Variants in ADAMTS5 observed in about 807,000 individuals in gnomAD.
ADAMTS5 encodes A disintegrin and metalloproteinase with thrombospondin motifs 5.
Under a neutral mutation model 81.4 loss-of-function variants are expected in ADAMTS5, and 54 were observed. The observed-to-expected ratio is 0.66, with a 90% CI of 0.53 to 0.83. The LOEUF is 0.83. Among genes scored for constraint, ADAMTS5 ranks in the 40% least tolerant of loss-of-function variants. ADAMTS5 has a pLI of 0.00. For missense variants in ADAMTS5, 1,194 were observed against 1,229.9 expected (o/e 0.97, Z 0.44); for synonymous variants, 532 against 508.8 (o/e 1.05, Z -0.61).
Position 26,924,204 on chromosome 21 carries a change from G to A in ADAMTS5, c.2642C>T (p.Thr881Met), listed in dbSNP as rs765000435. The change falls in exon 8 of 8, where the codon ACG becomes ATG. Residue 881 changes from threonine to methionine, a missense_variant. Physicochemically the swap from Thr to Met is moderately conservative, Grantham distance 81 (BLOSUM62 -1). Coordinates refer to ENST00000284987, the MANE Select transcript of ADAMTS5 (RefSeq NM_007038.5). ...CCTAGAGCAGGCGAGCCATGGGCCC[G>A]TGACCCACTGCGGCTGCGAAGTGTG... ...GSHTSQPQWV[T>M]GPWLACSRTC... 16 of 1,614,070 alleles carry A rather than the reference G, an allele frequency of 9.9e-6. No homozygotes were observed. The highest frequency in any genetic ancestry group is 2.2e-5 in the South Asian group (2 of 91,088).
At position 26,956,269 on chromosome 21, in the gene ADAMTS5, C is replaced by G. The variant is rs191905612; in HGVS notation, c.1105-1398G>C. On this transcript the variant is annotated intron_variant, in intron 1 of 7. Transcript: ENST00000284987. ...TGTATTCTCTTCTCTTAACTTCATT[C>G]TCAGGTCCTTATTGTGTTCTGTTTA... 3.3e-5 allele frequency among the ~76,000 whole-genome samples: 5 copies of G among 152,280 alleles called. No individual in the cohort carries two copies. The East Asian group carries it at 9.6e-4, about 29-fold the overall frequency.
Position 26,966,882 on chromosome 21 carries a change from T to G in ADAMTS5, c.-491A>C, listed in dbSNP as rs1475987716. 6.6e-6 allele frequency among the ~76,000 whole-genome samples: 1 copy of G among 152,022 alleles called. No individual in the cohort carries two copies. The highest frequency in any genetic ancestry group is 1.5e-5 in the Non-Finnish European group (1 of 67,986). On this transcript the variant is annotated 5_prime_UTR_variant, in exon 1 of 8. Coordinates refer to ENST00000284987, the MANE Select transcript of ADAMTS5 (RefSeq NM_007038.5). ...TCCGGGGCCCACTTCCTTTCTTATT[T>G]TGTGGGTTTCCTTGGCTCTGCTGGG... is the stretch of plus-strand genomic sequence containing the variant.
intron 7 of ADAMTS5, among the ~76,000 whole-genome samples, chr21:26,928,711 C>T (rs1986850923): frequency 2.8e-5 from 4 of 140,750 alleles, no homozygotes; most frequent in South Asian, 2.3e-4. Flanking sequence ...CTCTTTCTTT[C>T]TTTCTCTCTT....
intron 2 of ADAMTS5, among the ~76,000 whole-genome samples, chr21:26,950,511 T>C (rs1388489987): frequency 1.3e-5 from 2 of 152,220 alleles, no homozygotes; most frequent in African/African-American, 4.8e-5. Context: ...AGTGACTTTC[T>C]GAAATGTCTT....
intron 1 of ADAMTS5, among the ~76,000 whole-genome samples, chr21:26,960,450 A>C (rs1417281784): frequency 6.6e-6 from 1 of 152,186 alleles, no homozygotes; most frequent in Non-Finnish European, 1.5e-5. Context: ...GAGGTAAATG[A>C]GGTTAAATGA....
intron 7 of ADAMTS5, among the ~76,000 whole-genome samples, chr21:26,928,854 A>G (rs1986854746): frequency 6.6e-6 from 1 of 151,336 alleles, no homozygotes; most frequent in Non-Finnish European, 1.5e-5. Flanking sequence ...TCAGAGTCCA[A>G]CTCATTTTTA....
intron 6 of ADAMTS5, among the ~76,000 whole-genome samples, chr21:26,930,544 G>T (rs1986887962): frequency 6.6e-6 from 1 of 152,202 alleles, no homozygotes; most frequent in Admixed American, 6.5e-5. Flanking sequence ...TCCCTATTGT[G>T]TGTTGAACTG....
intron 1 of ADAMTS5, among the ~76,000 whole-genome samples, chr21:26,960,711 C>A (rs1987513908): frequency 1.3e-5 from 2 of 152,288 alleles, no homozygotes; most frequent in South Asian, 2.1e-4. Context: ...ACCCATTGTA[C>A]AATATTCTGT....
At position 26,920,263 on chromosome 21, in the gene ADAMTS5, G is replaced by A. The variant is rs1279168738; in HGVS notation, c.*3790C>T. On this transcript the variant is annotated 3_prime_UTR_variant, in exon 8 of 8. Coordinates refer to ENST00000284987, the MANE Select transcript of ADAMTS5 (RefSeq NM_007038.5). ...CCAGAGATTGGCTGTGTGTCCAAGG[G>A]TGCTTTGTCTTGTTGCCAGGATCAG... 2.0e-5 allele frequency: 3 copies of A among 152,116 alleles called. No homozygotes were observed. The highest frequency in any genetic ancestry group is 2.0e-4 in the Admixed American group (3 of 15,264). The allele number at this position is 152,116 out of a possible 1,614,324, so 9.4% of individuals were successfully genotyped here.
intron 3 of ADAMTS5, 119 bp downstream of exon 3, chr21:26,943,261 C>T (rs1212839334): frequency 6.9e-6 from 7 of 1,021,482 alleles, no homozygotes; most frequent in East Asian, 2.7e-5. Flanking sequence ...TCTTCTGACA[C>T]TATCCACACA....
chr21:26,924,461 T>C lies in ADAMTS5; in HGVS notation c.2385A>G (p.Ser795=). ...TTCCATTGATGTCAATGATAGTCTC[T>C]GAAGTGGAGATCATGTACTTTCCAT... ...LINGKYMIST[S]ETIIDINGTV... The change falls in exon 8 of 8, where the codon TCA becomes TCG. Residue 795 remains serine (S), a synonymous_variant. Transcript: ENST00000284987. 6.2e-7 allele frequency: 1 copy of C among 1,614,226 alleles called. No homozygotes were observed.
chr21:26,962,752 C>T (rs555252903), intron 1 of ADAMTS5, among the ~76,000 whole-genome samples: 2 of 152,266 alleles, frequency 1.3e-5, no homozygotes, highest in South Asian at 4.1e-4. Context: ...TTGGTGCCAA[C>T]TCTGGGTATT....
At position 26,943,451 on chromosome 21, in the gene ADAMTS5, C is replaced by T; in HGVS notation, c.1334G>A (p.Ser445Asn). Residue 445 changes from serine (S) to asparagine (N), a missense_variant, in exon 3 of 8, where the codon AGC becomes AAC. This residue lies in a region of ADAMTS5 where 696 missense variants were observed against 817.6 expected (regional missense o/e 0.85). Transcript: ENST00000284987. Reference sequence around the variant, plus strand: ...GGACCAGGGCTTAGATGCATCAATGCTGGTAAGGATGGAAGACATTAAGCG... The same window carrying T: ...GGACCAGGGCTTAGATGCATCAATGTTGGTAAGGATGGAAGACATTAAGCG... ...DKRLMSSILT[S>N]IDASKPWSKC... 6.2e-7 allele frequency: 1 copy of T among 1,613,692 alleles called. No individual in the cohort carries two copies. Among genetic ancestry groups the T allele is most frequent in the Non-Finnish European group, 8.5e-7 (1 of 1,179,746 alleles).
chr21:26,951,879 CTG>C (rs10606524), intron 2 of ADAMTS5, among the ~76,000 whole-genome samples: 6,592 of 151,902 alleles, frequency 0.043, 405 homozygotes, highest in African/African-American at 0.14. Flanking sequence ...GGGCAAGACT[CTG>C]TAATAATACA....
rs1987700817 is a variant in ADAMTS5, at chr21:26,966,975, G to C, written c.-584C>G. On this transcript the variant is annotated 5_prime_UTR_variant, in exon 1 of 8. Coordinates refer to ENST00000284987, the MANE Select transcript of ADAMTS5 (RefSeq NM_007038.5). ...ATTAAAACAAAAATGCAGGGGGGCA[G>C]CCTGAGGCGAGCTGGTGAAGCGGCG... 6.6e-6 allele frequency among the ~76,000 whole-genome samples: 1 copy of C among 152,230 alleles called. No individual in the cohort carries two copies. The highest frequency in any genetic ancestry group is 1.5e-5 in the Non-Finnish European group (1 of 68,038).
intron 2 of ADAMTS5, among the ~76,000 whole-genome samples, chr21:26,945,592 C>A (rs1012842258): frequency 1.3e-5 from 2 of 152,086 alleles, no homozygotes; most frequent in African/African-American, 4.8e-5. Flanking sequence ...ATGGCAGACA[C>A]GAAATTCACT....
At chr21:26,943,327 C>T (rs1276398369) in intron 3 of ADAMTS5, 53 bp downstream of exon 3, 2 of 1,535,206 alleles carry the variant, frequency 1.3e-6, no homozygotes, top group African/African-American at 2.8e-5. Context: ...AGTCAAACTC[C>T]TAAGAATCCC....
At position 26,930,046 on chromosome 21, in the gene ADAMTS5, C is replaced by G. The variant is rs757921094; in HGVS notation, c.2065G>C (p.Glu689Gln). The G allele has an allele frequency of 1.2e-6, 2 of 1,613,868 alleles. No homozygotes were observed. Among genetic ancestry groups the G allele is most frequent in the African/African-American group, 2.7e-5 (2 of 75,000 alleles). The change falls in exon 7 of 8, where the codon GAA (glutamate) becomes CAA (glutamine). Residue 689 changes from glutamate to glutamine, a missense_variant. Physicochemically the swap from Glu to Gln is conservative, Grantham distance 29. Around this residue, in one of 2 missense-constraint regions of ADAMTS5, gnomAD observed 696 missense variants for 817.6 expected, o/e 0.85. Transcript: ENST00000284987. ...VFSPKVTDGT[E>Q]CRLYSNSVCV... ...ACGGAATTACTGTACAGCCTACATT[C>G]AGTGCCATCGGTCACCTGAATCATG...
At chr21:26,942,344 C>T (rs944287603) in intron 3 of ADAMTS5, among the ~76,000 whole-genome samples, 16 of 152,126 alleles carry the variant, frequency 1.1e-4, no homozygotes, top group East Asian at 5.8e-4. Flanking sequence ...GGGAAAAAGA[C>T]GGTTGCCATA....
Sources: gnomAD v4.1 joint callset for allele counts (sites outside exome capture counted in the v4.1 genomes callset) on GRCh38, gnomAD v4.1.1 for gene constraint, gnomAD v4.1.1 regional missense constraint, MANE v1.5 for transcripts, NCBI Gene and HGNC (gene_info 2026-07-23, HGNC 2026-07-21) for gene names.